The following CNBD1 variants were observed in gnomAD, a reference collection of about 807,000 sequenced individuals.
CNBD1 encodes the protein cyclic nucleotide-binding domain-containing protein 1.
A neutral mutation model predicts 54.4 loss-of-function variants in CNBD1; 71 were observed. The ratio of observed to expected loss-of-function variants is 1.30; its 90% confidence interval spans 1.08 to 1.59. CNBD1 has a LOEUF of 1.59. Ranked by LOEUF, CNBD1 falls within the 40% of genes most tolerant of loss-of-function variation. CNBD1 has a pLI of 0.00. For missense variants in CNBD1, 659 were observed against 518.0 expected (o/e 1.27, Z -2.64); for synonymous variants, 182 against 170.7 (o/e 1.07, Z -0.51).
intron 10 of CNBD1, among the ~76,000 whole-genome samples, chr8:87,377,633 A>G (rs1383103485): frequency 6.6e-6 from 1 of 150,538 alleles, no homozygotes; most frequent in Non-Finnish European, 1.5e-5. Flanking sequence ...GTGTCTTTAT[A>G]GCAGCATGAT....
chr8:87,358,357 C>T (rs923449884), intron 10 of CNBD1, among the ~76,000 whole-genome samples: 2 of 152,136 alleles, frequency 1.3e-5, no homozygotes, highest in African/African-American at 2.4e-5. Context: ...CATTCAAATA[C>T]AACCTCCCTC....
At chr8:87,388,753 A>C (rs1026302373) in intron 2 of CNBD1, among the ~76,000 whole-genome samples, 1 of 152,362 alleles carries the variant, frequency 6.6e-6, no homozygotes, top group East Asian at 1.9e-4. Flanking sequence ...TCATTTTATG[A>C]GGCCTACATT....
intron 3 of CNBD1, among the ~76,000 whole-genome samples, chr8:86,916,984 C>T (rs370452631): frequency 1.5e-3 from 221 of 151,900 alleles, no homozygotes; most frequent in African/African-American, 5.1e-3. Context: ...GATTCTCATG[C>T]CCCAGCCTGT....
At chr8:87,024,695 G>A (rs1025799491) in intron 4 of CNBD1, among the ~76,000 whole-genome samples, 1 of 152,048 alleles carries the variant, frequency 6.6e-6, no homozygotes, top group African/African-American at 2.4e-5. Flanking sequence ...GGTTTTTGTA[G>A]AAGTAATAAG....
At chr8:87,094,973 A>G in intron 4 of CNBD1, among the ~76,000 whole-genome samples, 1 of 152,250 alleles carries the variant, frequency 6.6e-6, no homozygotes, top group East Asian at 1.9e-4. Flanking sequence ...TGGGAGGCAG[A>G]GGTTGCAATG....
chr8:86,968,609 G>A (rs1468160987), intron 4 of CNBD1, among the ~76,000 whole-genome samples: 1 of 152,190 alleles, frequency 6.6e-6, no homozygotes, highest in Non-Finnish European at 1.5e-5. Flanking sequence ...GTATTCAAAG[G>A]AGAAGGGCAG....
chr8:86,939,514 A>C (rs1809611587), intron 3 of CNBD1, 82 bp from the exon 4 acceptor site: 1 of 935,622 alleles, frequency 1.1e-6, no homozygotes, highest in Non-Finnish European at 1.5e-6. Flanking sequence ...GTGCATTTAT[A>C]CTCCTGCAAT....
In CNBD1 at chr8:87,407,328, T is replaced by C. The variant is rs145944466; in HGVS notation, c.214-21218T>C. On this transcript the variant is annotated intron_variant, in intron 2 of 7. Transcript: ENST00000521593. ...GTTTTCAAGATTCATCCATGTTACT[T>C]ATGTCAGTACTCAGTACTTAGTTTA... Among the ~76,000 whole-genome samples, 9 of 151,934 alleles carry C rather than the reference T, an allele frequency of 5.9e-5. No homozygotes were observed. In the East Asian group the frequency reaches 1.7e-3, roughly 29 times the overall value.
intron 4 of CNBD1, among the ~76,000 whole-genome samples, chr8:87,087,424 A>G (rs1811122223): frequency 1.3e-5 from 2 of 150,948 alleles, no homozygotes; most frequent in South Asian, 4.2e-4. Flanking sequence ...AGAACGTTGT[A>G]AGAAAAATGA....
At chr8:87,266,772 A>G (rs1808267582) in intron 6 of CNBD1, among the ~76,000 whole-genome samples, 1 of 152,008 alleles carries the variant, frequency 6.6e-6, no homozygotes, top group African/African-American at 2.4e-5. Flanking sequence ...TCGATGTAGA[A>G]CAGTGACATG....
intron 4 of CNBD1, among the ~76,000 whole-genome samples, chr8:87,194,678 A>G (rs924036685): frequency 6.6e-6 from 1 of 152,206 alleles, no homozygotes; most frequent in African/African-American, 2.4e-5. Flanking sequence ...CTTTCTACAT[A>G]GAATATTTTA....
chr8:87,219,456 A>T (rs1814279838), intron 5 of CNBD1, among the ~76,000 whole-genome samples: 1 of 151,998 alleles, frequency 6.6e-6, no homozygotes, highest in African/African-American at 2.4e-5. Context: ...TTCAAGACAA[A>T]TTATACCTTC....
chr8:87,120,722 T>C (rs1300043311), intron 4 of CNBD1, among the ~76,000 whole-genome samples: 2 of 152,026 alleles, frequency 1.3e-5, no homozygotes, highest in Non-Finnish European at 2.9e-5. Context: ...GTTAGCACTG[T>C]TTTTGCTGTA....
Position 86,962,104 on chromosome 8 carries a change from GA to G in CNBD1, c.431+22351del, listed in dbSNP as rs1452872442. Among the ~76,000 whole-genome samples, 218 of 147,216 alleles carry G rather than the reference GA, an allele frequency of 1.5e-3. 1 individual carries two copies. The highest frequency in any genetic ancestry group is 5.6e-3 in the African/African-American group (212 of 37,698). On this transcript the variant is annotated intron_variant, in intron 4 of 10. Transcript: ENST00000518476. ...TCCCTGGCACTCCATGAGGAAAACAGAGGTTTTTTTCAAAAATGAATCAATG... is the reference window on the plus strand; with the variant it reads ...TCCCTGGCACTCCATGAGGAAAACAGGGTTTTTTTCAAAAATGAATCAATG...
chr8:87,158,678 T>C (rs910366495), intron 4 of CNBD1, among the ~76,000 whole-genome samples: 4 of 152,178 alleles, frequency 2.6e-5, no homozygotes, highest in Non-Finnish European at 5.9e-5. Context: ...CAGACATGTC[T>C]GTGGTCTTAC....
At chr8:87,072,374 T>C (rs1810776698) in intron 4 of CNBD1, among the ~76,000 whole-genome samples, 1 of 152,118 alleles carries the variant, frequency 6.6e-6, no homozygotes, top group Non-Finnish European at 1.5e-5. Flanking sequence ...TTTGCAGACT[T>C]GTTTATGTGG....
chr8:86,922,787 G>A (rs1809295582), intron 3 of CNBD1, among the ~76,000 whole-genome samples: 1 of 152,118 alleles, frequency 6.6e-6, no homozygotes, highest in East Asian at 1.9e-4. Context: ...TGCTGAGAAG[G>A]GGTGAATTGC....
intron 4 of CNBD1, among the ~76,000 whole-genome samples, chr8:86,974,112 C>T (rs1235462440): frequency 1.3e-5 from 2 of 151,826 alleles, no homozygotes; most frequent in Non-Finnish European, 1.5e-5. Flanking sequence ...AATGTAATTA[C>T]AGTTTTATTT....
intron 5 of CNBD1, among the ~76,000 whole-genome samples, chr8:87,227,143 T>C (rs549563481): frequency 6.6e-6 from 1 of 152,294 alleles, no homozygotes; most frequent in African/African-American, 2.4e-5. Flanking sequence ...TCTCTGCACA[T>C]GAGATGGGTT....
Sources: allele counts gnomAD v4.1 joint callset (sites outside exome capture counted in the v4.1 genomes callset), GRCh38; gene constraint gnomAD v4.1.1; transcripts MANE v1.5; gene names NCBI Gene and HGNC (gene_info 2026-07-23, HGNC 2026-07-21).